The following FSTL5 variants were observed in gnomAD, a reference collection of about 807,000 sequenced individuals.
FSTL5 encodes follistatin-related protein 5.
Under a neutral mutation model 89.1 loss-of-function variants are expected in FSTL5, and 62 were observed. The ratio of observed to expected loss-of-function variants is 0.70; its 90% CI spans 0.57 to 0.86. FSTL5 has a LOEUF of 0.86. Ranked by LOEUF, FSTL5 falls within the 40% of genes least tolerant of loss-of-function variation. The pLI, the probability that FSTL5 is intolerant of heterozygous loss-of-function variation, is 0.00. For synonymous variants in FSTL5, 383 were observed against 346.2 expected (o/e 1.11, Z -1.18); for missense variants, 1,057 against 1,001.6 (o/e 1.06, Z -0.75).
chr4:162,155,095 C>T (rs1456423853), intron 1 of FSTL5, among the ~76,000 whole-genome samples: 1 of 152,176 alleles, frequency 6.6e-6, no homozygotes, highest in Non-Finnish European at 1.5e-5. Context: ...TAGGCAGGAC[C>T]TATAACTTGC....
intron 3 of FSTL5, among the ~76,000 whole-genome samples, chr4:161,991,689 TG>T (rs1736115796): frequency 1.3e-5 from 2 of 152,158 alleles, no homozygotes; most frequent in South Asian, 4.1e-4. Flanking sequence ...CAGGGCCAAC[TG>T]TGGGACTTGA....
intron 7 of FSTL5, among the ~76,000 whole-genome samples, chr4:161,652,796 C>G (rs1053826553): frequency 1.3e-5 from 2 of 151,868 alleles, no homozygotes; most frequent in Admixed American, 6.6e-5. Flanking sequence ...TACATTTAAT[C>G]CTACCTAATA....
At chr4:161,920,777 A>G (rs1579194811) in intron 3 of FSTL5, 125 bp from the exon 4 acceptor site, 13 of 845,538 alleles carry the variant, frequency 1.5e-5, no homozygotes, top group South Asian at 1.5e-4. Context: ...TCAGGGCTCA[A>G]TTTTCAGTGG....
chr4:161,705,057 T>C (rs551500411), intron 6 of FSTL5, among the ~76,000 whole-genome samples: 1 of 152,186 alleles, frequency 6.6e-6, no homozygotes, highest in East Asian at 1.9e-4. Context: ...TTTATGTCTC[T>C]ATTTATAATA....
intron 3 of FSTL5, among the ~76,000 whole-genome samples, chr4:161,974,366 A>C (rs370847104): frequency 0.051 from 7,748 of 151,196 alleles, 243 homozygotes; most frequent in Non-Finnish European, 0.076. Flanking sequence ...ACAAGGCTAC[A>C]GTAACCAAAA....
At chr4:161,734,957 C>T (rs746674310) in intron 6 of FSTL5, among the ~76,000 whole-genome samples, 1 of 152,154 alleles carries the variant, frequency 6.6e-6, no homozygotes, top group African/African-American at 2.4e-5. Flanking sequence ...TCCTCCAACT[C>T]AATTCATTTC....
chr4:161,770,296 A>C (rs1157020395), intron 5 of FSTL5, among the ~76,000 whole-genome samples: 1 of 152,004 alleles, frequency 6.6e-6, no homozygotes, highest in Non-Finnish European at 1.5e-5. Context: ...ATAGCACAAC[A>C]GAGTGACTAT....
At chr4:161,498,957 T>C (rs530291187) in intron 12 of FSTL5, among the ~76,000 whole-genome samples, 212 of 152,160 alleles carry the variant, frequency 1.4e-3, no homozygotes, top group Non-Finnish European at 2.6e-3. Context: ...TCCCAGAACT[T>C]TGCGAGGCCG....
rs539816920 is a variant in FSTL5, at chr4:161,653,443, G to A, written c.894+2885C>T. Among the ~76,000 whole-genome samples, 30 of 152,152 alleles carry A rather than the reference G, an allele frequency of 2.0e-4. No homozygotes were observed. The South Asian group carries it at 2.5e-3, about 13-fold the overall frequency. On this transcript the variant is annotated intron_variant, in intron 7 of 15. Coordinates refer to ENST00000306100, the MANE Select transcript of FSTL5 (RefSeq NM_020116.5). ...GTTTCTGTGTTACAGCCTTATTTAC[G>A]TATCTGCTCCCTAACTACAAGGAGG...
Position 161,385,840 on chromosome 4 carries a change from A to G in FSTL5, c.2451T>C (p.Ser817=), listed in dbSNP as rs768939144. 14 of 1,613,670 alleles carry G rather than the reference A, an allele frequency of 8.7e-6. No homozygotes were observed. The highest frequency in any genetic ancestry group is 6.7e-5 in the African/African-American group (5 of 74,884). ...GQYLMTPSKD[S]LFILDGRLNK... ...TGAGTCGTCCATCTAGGATGAAGAG[A>G]GAGTCCTTGGAAGGTGTCATCAGGT... Residue 817 remains serine, a synonymous_variant, in exon 16 of 16, where the codon TCT becomes TCC. Coordinates refer to ENST00000306100, the MANE Select transcript of FSTL5 (RefSeq NM_020116.5).
At chr4:161,801,632 C>G (rs1409702351) in intron 4 of FSTL5, among the ~76,000 whole-genome samples, 2 of 151,198 alleles carry the variant, frequency 1.3e-5, no homozygotes, top group South Asian at 2.1e-4. Flanking sequence ...TTCAAGATGA[C>G]TGATACATTC....
chr4:161,615,287 C>CTT (rs1734812589), intron 7 of FSTL5, among the ~76,000 whole-genome samples: 1 of 36,516 alleles, frequency 2.7e-5, no homozygotes, highest in Non-Finnish European at 4.7e-5. Context: ...GAGGGAGACT[C>CTT]TGTCTCAAAA....
chr4:161,595,187 C>T (rs1172288544), intron 7 of FSTL5, among the ~76,000 whole-genome samples: 2 of 151,998 alleles, frequency 1.3e-5, no homozygotes, highest in Non-Finnish European at 2.9e-5. Flanking sequence ...CATCCTGATA[C>T]AGCATTTCTG....
chr4:161,708,093 C>T (rs1241391184), intron 6 of FSTL5, among the ~76,000 whole-genome samples: 2 of 151,942 alleles, frequency 1.3e-5, no homozygotes, highest in African/African-American at 2.4e-5. Flanking sequence ...TGTTTCCTTA[C>T]TCTACTAAAA....
intron 3 of FSTL5, among the ~76,000 whole-genome samples, chr4:161,976,185 G>A (rs1735640858): frequency 6.6e-6 from 1 of 151,558 alleles, no homozygotes; most frequent in South Asian, 2.1e-4. Flanking sequence ...CATCTCAAGT[G>A]GGAAACTTAA....
intron 6 of FSTL5, among the ~76,000 whole-genome samples, chr4:161,749,830 T>C (rs1222600864): frequency 6.6e-6 from 1 of 150,818 alleles, no homozygotes; most frequent in Non-Finnish European, 1.5e-5. Context: ...TAAATAATAA[T>C]AAAAATAATA....
At chr4:161,439,628 G>C (rs1732691382) in intron 15 of FSTL5, among the ~76,000 whole-genome samples, 1 of 152,110 alleles carries the variant, frequency 6.6e-6, no homozygotes, top group South Asian at 2.1e-4. Context: ...GATATTAAAA[G>C]TATCTGACCA....
rs183478568 is a variant in FSTL5 at position 162,065,811 on chromosome 4, A to C, written c.127-32153T>G. Among the ~76,000 whole-genome samples, 387 of 152,226 alleles carry C rather than the reference A, an allele frequency of 2.5e-3. 2 individuals carry two copies. The highest frequency in any genetic ancestry group is 8.8e-3 in the African/African-American group (364 of 41,564). ...AACAGCCAAAGTATAAAAATTACCCAAAATTGATTATGTTATCATTATGAA... is the reference window on the plus strand; with the variant it reads ...AACAGCCAAAGTATAAAAATTACCCCAAATTGATTATGTTATCATTATGAA... On this transcript the variant is annotated intron_variant, in intron 2 of 15. Coordinates refer to ENST00000306100, the MANE Select transcript of FSTL5 (RefSeq NM_020116.5).
rs1268350886 is a variant in FSTL5 at position 161,475,081 on chromosome 4, C to T, written c.1608+5939G>A. Among the ~76,000 whole-genome samples, 3 of 142,574 alleles carry T rather than the reference C, an allele frequency of 2.1e-5. No individual in the cohort carries two copies. The East Asian group carries it at 6.3e-4, about 30-fold the overall frequency. The allele number at this position is 142,574 out of a possible 152,430, so 93.5% of individuals were successfully genotyped here. A position where few individuals can be genotyped will look rare whatever the true frequency, so the allele number is the denominator to read the frequency against. The stretch of plus-strand genomic sequence containing the variant: ...GCCGAACGTATGGATCCACTGCCTT[C>T]TGGCCTCCATAGTTTCTAGTAATAA... On this transcript the variant is annotated intron_variant, in intron 13 of 15. Transcript: ENST00000306100.
Sources: allele counts gnomAD v4.1 joint callset (sites outside exome capture counted in the v4.1 genomes callset), GRCh38; gene constraint gnomAD v4.1.1; transcripts MANE v1.5; gene names NCBI Gene and HGNC (gene_info 2026-07-23, HGNC 2026-07-21).